Variants in RRP12 observed in about 807,000 individuals in gnomAD.
RRP12 encodes ribosomal RNA processing 12 homolog.
Under a neutral mutation model 157.3 loss-of-function variants are expected in RRP12, and 78 were observed. That is an observed-to-expected ratio of 0.50 (90% CI 0.41 to 0.60). The LOEUF (loss-of-function observed/expected upper bound fraction) is 0.60, where lower values mean the gene tolerates loss of function less well. Among genes scored for constraint, RRP12 ranks in the 20% least tolerant of loss-of-function variants. The pLI is 0.00. For missense variants in RRP12, 1,521 were observed against 1,679.9 expected (o/e 0.91, Z 1.65); for synonymous variants, 726 against 670.9 (o/e 1.08, Z -1.27).
chr10:97,369,102 G>A (rs766542423), intron 25 of RRP12, among the ~76,000 whole-genome samples: 7 of 151,868 alleles, frequency 4.6e-5, no homozygotes, highest in South Asian at 2.1e-4. Context: ...AGAGCCCAGC[G>A]TCTGAGTCCC....
chr10:97,380,971 G>A (rs1844451572), intron 12 of RRP12, 58 bp from the exon 13 acceptor site: 1 of 1,415,222 alleles, frequency 7.1e-7, no homozygotes, highest in Admixed American at 1.7e-5. Context: ...CCCCCCACCA[G>A]AGAAAGTCAA....
intron 1 of RRP12, 51 bp downstream of exon 1, chr10:97,401,042 G>A (rs1477978471): frequency 6.3e-7 from 1 of 1,598,040 alleles, no homozygotes; most frequent in South Asian, 1.1e-5. Flanking sequence ...TCTGGACCCA[G>A]GTCTGCCTGG....
chr10:97,361,187 G>C (rs149828823), intron 30 of RRP12, among the ~76,000 whole-genome samples: 224 of 152,316 alleles, frequency 1.5e-3, no homozygotes, highest in Admixed American at 5.1e-3. Context: ...TACCATCCCA[G>C]CAGGTATGAT....
At chr10:97,364,004 A>C in intron 29 of RRP12, 101 bp from the exon 30 acceptor site, 3 of 995,222 alleles carry the variant, frequency 3.0e-6, no homozygotes, top group Non-Finnish European at 4.8e-6. Flanking sequence ...GGGGCCACCA[A>C]CTCCGGCCCC....
At chr10:97,378,784 A>AGGCTG (rs1844379997) in intron 15 of RRP12, among the ~76,000 whole-genome samples, 1 of 151,998 alleles carries the variant, frequency 6.6e-6, no homozygotes, top group African/African-American at 2.4e-5. Context: ...TTGAACCCGG[A>AGGCTG]AGGCGGAGGT....
At chr10:97,382,869 C>T (rs1844509727) in intron 10 of RRP12, among the ~76,000 whole-genome samples, 1 of 151,890 alleles carries the variant, frequency 6.6e-6, no homozygotes, top group Non-Finnish European at 1.5e-5. Context: ...TCAAGCGATT[C>T]TCGTGCCTCA....
In RRP12 at chr10:97,388,690, C is replaced by T. The variant is rs1277570822; in HGVS notation, c.754-66G>A. 5.1e-6 allele frequency: 8 copies of T among 1,581,728 alleles called. No homozygotes were observed. In the East Asian group the frequency reaches 9.0e-5, roughly 18 times the overall value. On this transcript the variant is annotated intron_variant, in intron 6 of 33. Coordinates refer to ENST00000370992, the MANE Select transcript of RRP12 (RefSeq NM_015179.4). The stretch of plus-strand genomic sequence containing the variant: ...TTCCACCAGCATCTTGGGTGTCCGG[C>T]ACAAGCACCAACCAATTAGCTTTGG...
intron 20 of RRP12, 186 bp from the exon 21 acceptor site, chr10:97,371,267 G>A (rs990974250): frequency 4.4e-5 from 28 of 643,484 alleles, no homozygotes; most frequent in African/African-American, 7.3e-5. Flanking sequence ...GGGGTTGGGG[G>A]TGTGTGCCGT....
rs759916906 is a variant in RRP12, at chr10:97,380,850, C to T, written c.1482G>A (p.Leu494=). 1.2e-5 allele frequency: 20 copies of T among 1,614,086 alleles called. No homozygotes were observed. Among genetic ancestry groups the T allele is most frequent in the South Asian group, 5.5e-5 (5 of 91,094 alleles). ...TCCCACACGCCTCGAAGAAGACACA[C>T]AGCAGCTGCAACACGGAGCTCCAGG... ...HAAWSSVLQL[L]CVFFEACGRQ... The change falls in exon 13 of 34, where the codon CTG becomes CTA. Residue 494 remains leucine, a synonymous_variant. Transcript: ENST00000370992.
In RRP12 at chr10:97,397,980, T is replaced by TA. The variant is rs1171954717; in HGVS notation, c.370-1680dup. ...GGTAAACCTAAATAACAAAATTGGG[T>TA]AAAAAAAAATACGTATATATATATA... On this transcript the variant is annotated intron_variant, in intron 2 of 33. Coordinates refer to ENST00000370992, the MANE Select transcript of RRP12 (RefSeq NM_015179.4). Among the ~76,000 whole-genome samples the TA allele has an allele frequency of 1.8e-3, 214 of 118,640 alleles. 16 individuals carry two copies. The highest frequency in any genetic ancestry group is 3.7e-3 in the African/African-American group (116 of 31,422). The allele number at this position is 118,640 out of a possible 152,430, so 77.8% of individuals were successfully genotyped here. A position where few individuals can be genotyped will look rare whatever the true frequency, so the allele number is the denominator to read the frequency against.
intron 33 of RRP12, among the ~76,000 whole-genome samples, chr10:97,357,492 T>A (rs899731503): frequency 3.9e-5 from 6 of 152,136 alleles, no homozygotes; most frequent in African/African-American, 1.2e-4. Context: ...ATCCCTCCAT[T>A]GAAAGGTAAC....
Position 97,390,750 on chromosome 10 carries a change from C to G in RRP12, c.625G>C (p.Val209Leu). Reference sequence around the variant, plus strand: ...CCCCAGACACTAACCCATCGGAGGACAGAGGTGGAGCCGCTGCTGGCCTGA... The same window carrying G: ...CCCCAGACACTAACCCATCGGAGGAGAGAGGTGGAGCCGCTGCTGGCCTGA... ...SAQASSGSTS[V>L]LRWVLSCLAT... Residue 209 changes from valine (V) to leucine (L), a missense_variant, in exon 5 of 34, where the codon GTC becomes CTC. Physicochemically the swap from Val to Leu is conservative, Grantham distance 32 (BLOSUM62 1). Coordinates refer to ENST00000370992, the MANE Select transcript of RRP12 (RefSeq NM_015179.4). 1 of 1,611,206 alleles carries G rather than the reference C, an allele frequency of 6.2e-7. No homozygotes were observed. Among genetic ancestry groups the G allele is most frequent in the Non-Finnish European group, 8.5e-7 (1 of 1,177,306 alleles).
chr10:97,372,063 C>G lies in RRP12; in HGVS notation c.2343+10G>C. ...GTGGCTGTGTGGCGCTCCTGGCCCC[C>G]GAGGCTCACCTCTAGGTAGGGCCGG... On this transcript the variant is annotated intron_variant, in intron 20 of 33. Coordinates refer to ENST00000370992, the MANE Select transcript of RRP12 (RefSeq NM_015179.4). The G allele has an allele frequency of 1.2e-6, 2 of 1,604,906 alleles. No homozygotes were observed. Among genetic ancestry groups the G allele is most frequent in the Non-Finnish European group, 1.7e-6 (2 of 1,173,676 alleles).
chr10:97,365,565 G>C (rs1356995959), intron 29 of RRP12, among the ~76,000 whole-genome samples: 1 of 152,030 alleles, frequency 6.6e-6, no homozygotes. Flanking sequence ...GAGCCACCAC[G>C]CCTGGCGAAG....
At chr10:97,369,322 CAAAA>C in intron 25 of RRP12, 99 bp downstream of exon 25, 1 of 1,252,530 alleles carries the variant, frequency 8.0e-7, no homozygotes, top group South Asian at 1.4e-5. Context: ...CCTCTGGCTA[CAAAA>C]AAAATAGTTT....
intron 30 of RRP12, among the ~76,000 whole-genome samples, chr10:97,361,356 G>C (rs944029741): frequency 8.5e-5 from 13 of 152,210 alleles, no homozygotes; most frequent in African/African-American, 3.1e-4. Flanking sequence ...CAACAACCAG[G>C]CCAGGCAGAG....
intron 29 of RRP12, 135 bp from the exon 30 acceptor site, chr10:97,364,038 A>G (rs1843910400): frequency 8.1e-6 from 6 of 736,334 alleles, no homozygotes; most frequent in Admixed American, 4.1e-5. Context: ...CCTCAGACCA[A>G]TATCATCCTT....
intron 4 of RRP12, 199 bp downstream of exon 4, chr10:97,393,485 A>G: frequency 2.9e-6 from 2 of 685,420 alleles, no homozygotes; most frequent in Non-Finnish European, 5.3e-6. Context: ...GGTTCAGGAC[A>G]GCCTAGTTTA....
chr10:97,369,542 A>T lies in RRP12; in HGVS notation c.2838T>A (p.Asn946Lys). ...TGCGGGAGGCCAGAAGCAGGCACAC[A>T]TTCTCCAGCAGCTGCTCCACTGTAC... The part of the protein sequence containing the change: ...GTSTVEQLLE[N>K]VCLLLASRTR... The change falls in exon 25 of 34, where the codon AAT becomes AAA. Residue 946 changes from asparagine to lysine, a missense_variant. Coordinates refer to ENST00000370992, the MANE Select transcript of RRP12 (RefSeq NM_015179.4). The T allele has an allele frequency of 6.3e-7, 1 of 1,582,746 alleles. No individual in the cohort carries two copies. Among genetic ancestry groups the T allele is most frequent in the Non-Finnish European group, 8.6e-7 (1 of 1,164,306 alleles).
Sources: allele counts gnomAD v4.1 joint callset (sites outside exome capture counted in the v4.1 genomes callset), GRCh38; gene constraint gnomAD v4.1.1; transcripts MANE v1.5; gene names NCBI Gene and HGNC (gene_info 2026-07-23, HGNC 2026-07-21).